The following DPF3 variants were observed in gnomAD, a reference collection of about 807,000 sequenced individuals.
DPF3 encodes the protein double PHD fingers 3, also known as zinc finger protein DPF3.
Under a neutral mutation model 56.8 loss-of-function variants are expected in DPF3, and 18 were observed. The observed-to-expected ratio is 0.32, with a 90% CI of 0.22 to 0.47. The LOEUF is 0.47. Ranked by LOEUF, DPF3 falls within the 20% of genes least tolerant of loss-of-function variation. The pLI is 1.00. For synonymous variants in DPF3, 188 were observed against 180.2 expected (o/e 1.04, Z -0.35); for missense variants, 403 against 488.8 (o/e 0.82, Z 1.65).
At chr14:72,735,072 A>G (rs1484998087) in intron 3 of DPF3, among the ~76,000 whole-genome samples, 1 of 151,910 alleles carries the variant, frequency 6.6e-6, no homozygotes, top group Non-Finnish European at 1.5e-5. Flanking sequence ...CTTAAACTCA[A>G]TCTGCCTTCA....
chr14:72,850,328 TC>T lies in DPF3; in HGVS notation c.32+43728del, dbSNP rs1175066203. 4.0e-5 allele frequency among the ~76,000 whole-genome samples: 6 copies of T among 151,488 alleles called. No homozygotes were observed. The East Asian group carries it at 1.2e-3, about 29-fold the overall frequency. Reference sequence around the variant, plus strand: ...CCCCCAACCCCCACCTCCCACCAACTCCCTATTCTTCGTCTCCTACAGGTTT... The same window carrying T: ...CCCCCAACCCCCACCTCCCACCAACTCCTATTCTTCGTCTCCTACAGGTTT... On this transcript the variant is annotated intron_variant, in intron 1 of 10. Coordinates refer to ENST00000556509, the MANE Select transcript of DPF3 (RefSeq NM_001280542.3).
chr14:72,893,536 G>C (rs1886859774), intron 1 of DPF3, among the ~76,000 whole-genome samples: 1 of 152,100 alleles, frequency 6.6e-6, no homozygotes, highest in Non-Finnish European at 1.5e-5. Context: ...GGCGAAGAGC[G>C]CCCTGCAAAC....
chr14:72,763,648 TA>T (rs1891148722), intron 2 of DPF3, among the ~76,000 whole-genome samples: 1 of 151,774 alleles, frequency 6.6e-6, no homozygotes, highest in South Asian at 2.1e-4. Context: ...GAAAAAAAAA[TA>T]AGAGAAACCC....
chr14:72,655,687 A>C (rs1886043465), intron 8 of DPF3, among the ~76,000 whole-genome samples: 1 of 152,258 alleles, frequency 6.6e-6, no homozygotes, highest in African/African-American at 2.4e-5. Context: ...ATGGAAGTCA[A>C]CAAAAGGCTT....
chr14:72,624,604 G>T (rs924202030), intron 9 of DPF3, among the ~76,000 whole-genome samples: 4 of 152,168 alleles, frequency 2.6e-5, no homozygotes, highest in Admixed American at 6.5e-5. Context: ...CTCCCAAAGT[G>T]CTGGGATTAC....
intron 1 of DPF3, among the ~76,000 whole-genome samples, chr14:72,798,126 C>A (rs538313627): frequency 6.6e-6 from 1 of 151,632 alleles, no homozygotes; most frequent in South Asian, 2.1e-4. Context: ...TGGTGGCAGG[C>A]GCCTGTAATC....
intron 4 of DPF3, among the ~76,000 whole-genome samples, chr14:72,725,689 G>T (rs1251059504): frequency 6.6e-6 from 1 of 152,094 alleles, no homozygotes; most frequent in Non-Finnish European, 1.5e-5. Context: ...GGCACACACT[G>T]CACTGTTGTC....
intron 2 of DPF3, among the ~76,000 whole-genome samples, chr14:72,771,166 C>CA (rs57784890): frequency 0.029 from 4,118 of 142,278 alleles, 181 homozygotes; most frequent in African/African-American, 0.11. Context: ...GAGTCCATCT[C>CA]AAAAAAAAAA....
intron 1 of DPF3, among the ~76,000 whole-genome samples, chr14:72,816,366 T>C (rs1355651319): frequency 1.3e-5 from 2 of 152,238 alleles, no homozygotes; most frequent in African/African-American, 4.8e-5. Context: ...TTATGTTATC[T>C]GGCCTTCTCC....
At chr14:72,846,729 G>C (rs1260777404) in intron 1 of DPF3, among the ~76,000 whole-genome samples, 1 of 152,086 alleles carries the variant, frequency 6.6e-6, no homozygotes, top group Non-Finnish European at 1.5e-5. Context: ...GCCAGTAGCA[G>C]AGTTTTTAAA....
chr14:72,691,867 G>A (rs192380205), intron 7 of DPF3, among the ~76,000 whole-genome samples: 192 of 152,268 alleles, frequency 1.3e-3, no homozygotes, highest in African/African-American at 3.1e-3. Context: ...TGCCAGCACC[G>A]TGACCTTGGA....
intron 1 of DPF3, among the ~76,000 whole-genome samples, chr14:72,849,897 C>G (rs916989947): frequency 6.7e-6 from 1 of 150,334 alleles, no homozygotes; most frequent in Non-Finnish European, 1.5e-5. Context: ...CTGGGTGGAT[C>G]ACCTGAGGTC....
At chr14:72,892,123 C>T (rs1282929127) in intron 1 of DPF3, 10 of 1,524,980 alleles carry the variant, frequency 6.6e-6, no homozygotes, top group Non-Finnish European at 8.8e-6. Context: ...AACTAGGGTA[C>T]GGCTTTCCCA....
At chr14:72,854,362 G>GT (rs539558695) in intron 1 of DPF3, among the ~76,000 whole-genome samples, 27 of 151,950 alleles carry the variant, frequency 1.8e-4, no homozygotes, top group Middle Eastern at 3.4e-3. Context: ...GTGAAATCCT[G>GT]TGTCAAAAAA....
chr14:72,629,473 A>C, intron 9 of DPF3, 151 bp downstream of exon 9: 1 of 636,050 alleles, frequency 1.6e-6, no homozygotes, highest in Non-Finnish European at 2.7e-6. Context: ...TCAGTCTCTG[A>C]GCCCTCAAGG....
At position 72,693,080 on chromosome 14, in the gene DPF3, G is replaced by A; in HGVS notation, c.738C>T (p.His246=). ...RSPPNHRNEN[H]RPQKGPDGTV... is the part of the protein sequence containing the mutation. The stretch of plus-strand genomic sequence containing the variant: ...ACCTAACAAGTAGGCACTCACGCCT[G>A]TGGTTCTCATTTCTGTGGTTGGGTG... The change falls in exon 7 of 11, where the codon CAC becomes CAT. Residue 246 remains histidine (H), a synonymous_variant. Transcript: ENST00000556509. 1 of 1,614,040 alleles carries A rather than the reference G, an allele frequency of 6.2e-7. No homozygotes were observed. The highest frequency in any genetic ancestry group is 8.5e-7 in the Non-Finnish European group (1 of 1,179,902).
chr14:72,710,806 C>T (rs935334378), intron 6 of DPF3, among the ~76,000 whole-genome samples: 2 of 152,234 alleles, frequency 1.3e-5, no homozygotes, highest in Non-Finnish European at 2.9e-5. Context: ...AGAACTTTAA[C>T]CCTTAAGCTT....
chr14:72,684,154 C>A (rs371023626), intron 7 of DPF3, among the ~76,000 whole-genome samples: 31 of 152,164 alleles, frequency 2.0e-4, no homozygotes, highest in African/African-American at 7.5e-4. Flanking sequence ...TCAAGCAACC[C>A]TCCCACCTCA....
intron 1 of DPF3, among the ~76,000 whole-genome samples, chr14:72,884,145 T>A (rs1886426167): frequency 6.6e-6 from 1 of 152,080 alleles, no homozygotes. Context: ...CAACCGCGCT[T>A]CTGCTTCCTC....
Sources: gnomAD v4.1 joint callset for allele counts (sites outside exome capture counted in the v4.1 genomes callset) on GRCh38, gnomAD v4.1.1 for gene constraint, MANE v1.5 for transcripts, NCBI Gene and HGNC (gene_info 2026-07-23, HGNC 2026-07-21) for gene names.